RPUSD4: variants seen among roughly 807,000 people sequenced by gnomAD.
The protein encoded by RPUSD4 is RNA pseudouridine synthase D4, also known as pseudouridylate synthase RPUSD4, mitochondrial.
Under a neutral mutation model 35.4 loss-of-function variants are expected in RPUSD4, and 37 were observed. The ratio of observed to expected loss-of-function variants is 1.04; its 90% CI spans 0.80 to 1.37. The LOEUF (loss-of-function observed/expected upper bound fraction) is 1.37, where lower values mean the gene tolerates loss of function less well. Among genes scored for constraint, RPUSD4 ranks in the 40% most tolerant of loss-of-function variants. The pLI, the probability that RPUSD4 is intolerant of heterozygous loss-of-function variation, is 0.00. For synonymous variants in RPUSD4, 210 were observed against 192.7 expected, an observed-to-expected ratio of 1.09 and a Z score of -0.74; for missense variants, 507 against 484.9, an observed-to-expected ratio of 1.05 and a Z score of -0.43.
At position 126,204,212 on chromosome 11, in the gene RPUSD4, T is replaced by C. The variant is rs1028874694; in HGVS notation, c.894+19A>G. 5 of 1,549,634 alleles carry C rather than the reference T, an allele frequency of 3.2e-6. No individual in the cohort carries two copies. In the African/African-American group the frequency reaches 5.4e-5, roughly 17 times the overall value. On this transcript the variant is annotated intron_variant, in intron 6 of 6. Coordinates refer to ENST00000298317, the MANE Select transcript of RPUSD4 (RefSeq NM_032795.3). ...GTTCTCTCCCGTATCTGCTGCACAT[T>C]GGGTCAAATTAGTATTACCTGGGGG...
intron 2 of RPUSD4, among the ~76,000 whole-genome samples, chr11:126,210,520 TACACAC>T (rs1555047309): frequency 8.3e-5 from 5 of 60,254 alleles, no homozygotes; most frequent in African/African-American, 2.9e-4. Context: ...CCAACATACA[TACACAC>T]ACACACACAC....
At chr11:126,204,415 T>C in intron 5 of RPUSD4, 87 bp from the exon 6 acceptor site, 1 of 934,126 alleles carries the variant, frequency 1.1e-6, no homozygotes, top group East Asian at 2.6e-5. Flanking sequence ...CAAATCGTGT[T>C]ACATCAAAGT....
rs1462670943 is a variant in RPUSD4, at chr11:126,202,755, A to C, written c.*663T>G. 2.0e-5 allele frequency: 3 copies of C among 152,256 alleles called. No individual in the cohort carries two copies. Among genetic ancestry groups the C allele is most frequent in the Non-Finnish European group, 4.4e-5 (3 of 68,054 alleles). 9.4% of individuals were successfully genotyped at this position (152,256 alleles called of 1,614,324 possible). A position where few individuals can be genotyped will look rare whatever the true frequency, so the allele number is the denominator to read the frequency against. ...ATGAGAAAATCCATTCCCACATGGC[A>C]ACAACCAGCTGGAGCTAACAGCTGT... is the stretch of plus-strand genomic sequence containing the variant. On this transcript the variant is annotated 3_prime_UTR_variant, in exon 7 of 7. Coordinates refer to ENST00000298317, the MANE Select transcript of RPUSD4 (RefSeq NM_032795.3).
intron 5 of RPUSD4, 61 bp from the exon 6 acceptor site, chr11:126,204,389 G>C (rs1949747328): frequency 1.6e-6 from 2 of 1,239,306 alleles, no homozygotes; most frequent in African/African-American, 3.0e-5. Context: ...AACAATACCA[G>C]TATTGGCATC....
At position 126,203,507 on chromosome 11, in the gene RPUSD4, AGAAGCGAG is replaced by A; in HGVS notation, c.1037_1044del (p.Pro346LeufsTer15). On this transcript the variant is annotated frameshift_variant, in exon 7 of 7. Transcript: ENST00000298317. LOFTEE classifies it low-confidence loss of function (END_TRUNC). ...CGCAGGCGGTGCAGGGAATGCACAAAGAAGCGAGGAAGTTTGCAGACCAAGTTGAGTTC... is the reference window on the plus strand; with the variant it reads ...CGCAGGCGGTGCAGGGAATGCACAAAGAAGTTTGCAGACCAAGTTGAGTTC... 6.2e-7 allele frequency: 1 copy of A among 1,614,190 alleles called. No individual in the cohort carries two copies. Among genetic ancestry groups the A allele is most frequent in the Non-Finnish European group, 8.5e-7 (1 of 1,180,042 alleles).
chr11:126,207,356 A>G (rs933077698), intron 3 of RPUSD4, among the ~76,000 whole-genome samples: 5 of 152,184 alleles, frequency 3.3e-5, no homozygotes, highest in Admixed American at 2.0e-4. Context: ...ATTTGATTGT[A>G]TATCAAATTT....
At chr11:126,211,237 T>C (rs1949861771) in intron 1 of RPUSD4, 182 bp from the exon 2 acceptor site, 1 of 916,988 alleles carries the variant, frequency 1.1e-6, no homozygotes, top group African/African-American at 1.7e-5. Flanking sequence ...GACGCAGTGG[T>C]TAGGACTGAG....
intron 2 of RPUSD4, 54 bp downstream of exon 2, chr11:126,210,836 G>A (rs895365403): frequency 1.7e-5 from 26 of 1,536,384 alleles, no homozygotes; most frequent in Non-Finnish European, 2.2e-5. Flanking sequence ...AGTTTTCCTC[G>A]GTTGTAGCAG....
chr11:126,206,733 G>C (rs1022589856), intron 3 of RPUSD4, among the ~76,000 whole-genome samples: 5 of 152,066 alleles, frequency 3.3e-5, no homozygotes, highest in Non-Finnish European at 7.4e-5. Flanking sequence ...AGTCCATCTG[G>C]GTACCTGGTG....
intron 3 of RPUSD4, 178 bp downstream of exon 3, chr11:126,209,343 C>A (rs1314152704): frequency 3.4e-6 from 2 of 589,146 alleles, no homozygotes; most frequent in South Asian, 2.2e-5. Context: ...GAATTAAGAA[C>A]CACTGTTCTA....
chr11:126,205,522 G>C lies in RPUSD4; in HGVS notation c.742C>G (p.Gln248Glu). Residue 248 changes from glutamine to glutamate, a missense_variant, in exon 5 of 7, where the codon CAG becomes GAG. Physicochemically the swap from Gln to Glu is conservative, Grantham distance 29. Coordinates refer to ENST00000298317, the MANE Select transcript of RPUSD4 (RefSeq NM_032795.3). ...RNAQVAVTQY[Q>E]VLSSTLSSAL... ...GAGGAGAGAGTGCTGCTGAGCACCTGGTACTGAGTTACAGCAACTTGCGCA... is the reference window on the plus strand; with the variant it reads ...GAGGAGAGAGTGCTGCTGAGCACCTCGTACTGAGTTACAGCAACTTGCGCA... The C allele has an allele frequency of 6.2e-7, 1 of 1,614,274 alleles. No individual in the cohort carries two copies. Among genetic ancestry groups the C allele is most frequent in the Non-Finnish European group, 8.5e-7 (1 of 1,180,050 alleles).
At chr11:126,203,840 A>T (rs117818615) in intron 6 of RPUSD4, among the ~76,000 whole-genome samples, 183 bp from the exon 7 acceptor site, 1 of 152,182 alleles carries the variant, frequency 6.6e-6, no homozygotes, top group East Asian at 1.9e-4. Context: ...GGGAAAAATG[A>T]CCACACCAAG....
chr11:126,205,499 GGA>G lies in RPUSD4; in HGVS notation c.763_764del (p.Ser255LeufsTer31), dbSNP rs1419179521. 3 of 1,614,274 alleles carry G rather than the reference GGA, an allele frequency of 1.9e-6. No homozygotes were observed. Among genetic ancestry groups the G allele is most frequent in the East Asian group, 2.2e-5 (1 of 44,888 alleles). ...TGGGCTGGAGCTCCACGAGGGCGGA[GGA>G]GAGAGTGCTGCTGAGCACCTGGTAC... Reference protein sequence around the residue: ...TQYQVLSSTLSSALVELQPIT... With the variant: ...TQYQVLSSTLXSALVELQPIT... On this transcript the variant is annotated frameshift_variant, in exon 5 of 7. Coordinates refer to ENST00000298317, the MANE Select transcript of RPUSD4 (RefSeq NM_032795.3). LOFTEE classifies it high-confidence loss of function.
chr11:126,207,593 G>GT (rs1949785919), intron 3 of RPUSD4, among the ~76,000 whole-genome samples: 1 of 152,244 alleles, frequency 6.6e-6, no homozygotes, highest in South Asian at 2.1e-4. Context: ...CCTGTGAGCT[G>GT]TAAGCGCTGT....
chr11:126,204,181 G>A (rs1565316057), intron 6 of RPUSD4, 50 bp downstream of exon 6: 3 of 1,258,136 alleles, frequency 2.4e-6, no homozygotes, highest in African/African-American at 1.5e-5. Context: ...GAAAAGGAAC[G>A]CCTAAGTTCT....
chr11:126,204,310 C>G lies in RPUSD4; in HGVS notation c.815G>C (p.Arg272Pro). Residue 272 changes from arginine (R) to proline (P), a missense_variant, in exon 6 of 7, where the codon CGA becomes CCA. By Grantham distance (103) the Arg-to-Pro change is moderately radical. Transcript: ENST00000298317. ...QPITGIKHQL[R>P]VHLSFGLDCP... Reference sequence around the variant, plus strand: ...ATCCAATCCAAAAGACAAGTGAACTCGAAGCTGATGTTTTATTCCTTAAAA... The same window carrying G: ...ATCCAATCCAAAAGACAAGTGAACTGGAAGCTGATGTTTTATTCCTTAAAA... 6.2e-7 allele frequency: 1 copy of G among 1,612,440 alleles called. No homozygotes were observed. The highest frequency in any genetic ancestry group is 8.5e-7 in the Non-Finnish European group (1 of 1,179,468).
At chr11:126,204,465 C>T (rs1320219765) in intron 5 of RPUSD4, 137 bp from the exon 6 acceptor site, 13 of 608,558 alleles carry the variant, frequency 2.1e-5, no homozygotes, top group Admixed American at 1.6e-4. Context: ...TAAAGTATAA[C>T]GAATAATATA....
rs752055495 is a variant in RPUSD4, at chr11:126,211,563, G to C, written c.76C>G (p.Leu26Val). ...NGQGCGSLFT[L>V]VSKPFCAAAA... ...GCGGCACAAAATGGCTTTGAGACGAGAGTGAAGAGACTCCCGCAACCTTGG... is the reference window on the plus strand; with the variant it reads ...GCGGCACAAAATGGCTTTGAGACGACAGTGAAGAGACTCCCGCAACCTTGG... Residue 26 changes from leucine to valine, a missense_variant, in exon 1 of 7, where the codon CTC (leucine) becomes GTC (valine). Physicochemically the swap from Leu to Val is conservative, Grantham distance 32. Transcript: ENST00000298317. The C allele has an allele frequency of 1.2e-5, 19 of 1,614,112 alleles. No homozygotes were observed. Among genetic ancestry groups the C allele is most frequent in the Admixed American group, 1.7e-5 (1 of 60,010 alleles).
intron 3 of RPUSD4, 114 bp from the exon 4 acceptor site, chr11:126,205,895 G>A (rs1357489561): frequency 5.6e-6 from 4 of 718,324 alleles, no homozygotes; most frequent in Non-Finnish European, 8.9e-6. Flanking sequence ...GATTTCTTAT[G>A]ATTGAAGGAT....
Sources: gnomAD v4.1 joint callset for allele counts (sites outside exome capture counted in the v4.1 genomes callset) on GRCh38, gnomAD v4.1.1 for gene constraint, MANE v1.5 for transcripts, NCBI Gene and HGNC (gene_info 2026-07-23, HGNC 2026-07-21) for gene names.